Variants in DLGAP4 observed in about 807,000 individuals in gnomAD.
DLGAP4 encodes the protein DLG associated protein 4.
Under a neutral mutation model 86.9 loss-of-function variants are expected in DLGAP4, and 18 were observed. The observed-to-expected ratio is 0.21, with a 90% confidence interval of 0.14 to 0.31. DLGAP4 has a LOEUF of 0.31. DLGAP4 is among the 10% of genes least tolerant of loss of function. DLGAP4 has a pLI of 1.00. For missense variants in DLGAP4, 1,085 were observed against 1,362.6 expected (o/e 0.80, Z 3.21); for synonymous variants, 548 against 574.3 (o/e 0.95, Z 0.65).
At chr20:36,513,101 C>T (rs559657734) in intron 10 of DLGAP4, among the ~76,000 whole-genome samples, 55 of 151,028 alleles carry the variant, frequency 3.6e-4, no homozygotes, top group African/African-American at 5.6e-4. Flanking sequence ...ACAGGCCCGC[C>T]GCACCTGGCT....
intron 2 of DLGAP4, among the ~76,000 whole-genome samples, chr20:36,403,692 A>G (rs779729929): frequency 1.6e-4 from 24 of 152,238 alleles, no homozygotes; most frequent in Non-Finnish European, 3.4e-4. Context: ...AGCCTAAAAC[A>G]ACACTAAACA....
intron 7 of DLGAP4, among the ~76,000 whole-genome samples, chr20:36,480,356 G>T (rs2035132009): frequency 6.6e-6 from 1 of 152,158 alleles, no homozygotes; most frequent in Non-Finnish European, 1.5e-5. Flanking sequence ...GTGTGGCTAG[G>T]CTGTGTGAAC....
chr20:36,438,541 C>G lies in DLGAP4; in HGVS notation c.1242-1213C>G, dbSNP rs74697223. Among the ~76,000 whole-genome samples the G allele has an allele frequency of 4.0e-5, 6 of 150,676 alleles. No individual in the cohort carries two copies. In the East Asian group the frequency reaches 1.2e-3, roughly 29 times the overall value. On this transcript the variant is annotated intron_variant, in intron 4 of 12. Transcript: ENST00000339266. ...TCCCTCTGGGCCTCAGTTTCCCAAT[C>G]TGAATAATATATACATATATATGTA...
intron 7 of DLGAP4, among the ~76,000 whole-genome samples, chr20:36,495,885 G>C (rs1439340824): frequency 6.6e-6 from 1 of 152,116 alleles, no homozygotes; most frequent in African/African-American, 2.4e-5. Context: ...TTGTTTGTTT[G>C]TTTTGAGATG....
intron 10 of DLGAP4, among the ~76,000 whole-genome samples, chr20:36,515,762 T>C (rs1257771682): frequency 3.9e-5 from 6 of 152,162 alleles, no homozygotes; most frequent in Admixed American, 3.9e-4. Flanking sequence ...TTTCTTCCCT[T>C]CTTTTGGATT....
intron 2 of DLGAP4, among the ~76,000 whole-genome samples, chr20:36,372,048 T>TCATC (rs1334928260): frequency 2.6e-5 from 4 of 152,286 alleles, no homozygotes; most frequent in South Asian, 4.1e-4. Context: ...CAGATCTGGG[T>TCATC]CATCCCTTTG....
chr20:36,432,026 C>T lies in DLGAP4; in HGVS notation c.309C>T (p.Asn103=). 6.2e-7 allele frequency: 1 copy of T among 1,614,200 alleles called. No homozygotes were observed. The highest frequency in any genetic ancestry group is 8.5e-7 in the Non-Finnish European group (1 of 1,180,040). Residue 103 remains asparagine, a synonymous_variant, in exon 3 of 13, where the codon AAC becomes AAT. Coordinates refer to ENST00000339266, the MANE Select transcript of DLGAP4 (RefSeq NM_001365621.2). This position sits in a 1 kb window ranked among gnomAD's most constrained non-coding sequence, Gnocchi z 6.5. The part of the protein sequence containing the change: ...QATKINRLPA[N]LLDQFEKQLP... The stretch of plus-strand genomic sequence containing the variant: ...CCAAGATCAACCGGCTGCCCGCCAA[C>T]CTCCTGGACCAGTTTGAGAAGCAGC...
intron 7 of DLGAP4, among the ~76,000 whole-genome samples, chr20:36,457,483 C>A (rs2033908141): frequency 6.7e-6 from 1 of 149,710 alleles, no homozygotes; most frequent in South Asian, 2.1e-4. Flanking sequence ...CTGGTTCAAG[C>A]GATTCTCCTG....
intron 1 of DLGAP4, among the ~76,000 whole-genome samples, chr20:36,323,175 C>CAAA (rs1164348704): frequency 0.022 from 781 of 35,364 alleles, 55 homozygotes; most frequent in African/African-American, 0.049. Context: ...GACCCTATCT[C>CAAA]AAAAAAAAAA....
At chr20:36,329,411 A>C (rs145622054) in intron 1 of DLGAP4, among the ~76,000 whole-genome samples, 195 of 152,306 alleles carry the variant, frequency 1.3e-3, no homozygotes, top group African/African-American at 4.4e-3. Flanking sequence ...TTTAATACTT[A>C]TATCATCTGG....
intron 7 of DLGAP4, among the ~76,000 whole-genome samples, chr20:36,464,018 T>C (rs2034225071): frequency 6.6e-6 from 1 of 152,222 alleles, no homozygotes; most frequent in Non-Finnish European, 1.5e-5. Context: ...CTGCCCCTGG[T>C]GTATAATGAC....
intron 3 of DLGAP4, among the ~76,000 whole-genome samples, chr20:36,435,874 G>A (rs6018872): frequency 0.035 from 5,338 of 152,220 alleles, 339 homozygotes; most frequent in African/African-American, 0.12. Flanking sequence ...TGCTTCTGGG[G>A]CAAACCCAGC....
chr20:36,371,510 G>A (rs934824404), intron 2 of DLGAP4, among the ~76,000 whole-genome samples: 1 of 152,234 alleles, frequency 6.6e-6, no homozygotes, highest in Non-Finnish European at 1.5e-5. Context: ...CCTCTCTAAG[G>A]AGATGGCACT....
At chr20:36,487,282 G>A (rs527424378) in intron 7 of DLGAP4, among the ~76,000 whole-genome samples, 9 of 152,344 alleles carry the variant, frequency 5.9e-5, no homozygotes, top group African/African-American at 2.2e-4. Flanking sequence ...CCCTGGCACA[G>A]CTGCCTAGTG....
chr20:36,319,924 G>A (rs997199822), intron 1 of DLGAP4, among the ~76,000 whole-genome samples: 1 of 151,974 alleles, frequency 6.6e-6, no homozygotes, highest in Non-Finnish European at 1.5e-5. Flanking sequence ...TCTGGAATCT[G>A]AAGAACTTGG....
At chr20:36,490,153 C>T (rs186572736) in intron 7 of DLGAP4, among the ~76,000 whole-genome samples, 4 of 152,224 alleles carry the variant, frequency 2.6e-5, no homozygotes, top group Non-Finnish European at 4.4e-5. Context: ...CCTCCGCGCC[C>T]GGCCAGTGTT....
chr20:36,375,961 C>T (rs1450771304), intron 2 of DLGAP4, among the ~76,000 whole-genome samples: 1 of 152,112 alleles, frequency 6.6e-6, no homozygotes, highest in Non-Finnish European at 1.5e-5. Context: ...TATGATCCCA[C>T]CACTGTACTC....
At chr20:36,307,847 G>A (rs915877868) in intron 1 of DLGAP4, among the ~76,000 whole-genome samples, 3 of 152,224 alleles carry the variant, frequency 2.0e-5, no homozygotes, top group Non-Finnish European at 2.9e-5. Flanking sequence ...GCTGGAAGTG[G>A]TGGGAATCAG....
At position 36,308,437 on chromosome 20, in the gene DLGAP4, A is replaced by G. The variant is rs1392651038; in HGVS notation, c.-304+1925A>G. ...GGGACCTGATGGCTGGGTTATGTGG[A>G]ACCCCGGGTGCCAGCCTTGAGATGG... On this transcript the variant is annotated intron_variant, in intron 1 of 12. Transcript: ENST00000339266. The surrounding 1 kb of genome is among the most constrained non-coding windows in gnomAD (Gnocchi z 4.5). 4.6e-5 allele frequency among the ~76,000 whole-genome samples: 7 copies of G among 152,176 alleles called. No homozygotes were observed. Among genetic ancestry groups the G allele is most frequent in the African/African-American group, 1.4e-4 (6 of 41,446 alleles).
Sources: allele counts gnomAD v4.1 joint callset (sites outside exome capture counted in the v4.1 genomes callset), GRCh38; gene constraint gnomAD v4.1.1; non-coding constraint Gnocchi (gnomAD v3.1); transcripts MANE v1.5; gene names NCBI Gene and HGNC (gene_info 2026-07-23, HGNC 2026-07-21).